The following CYP4A11 variants were observed in gnomAD, a reference collection of about 807,000 sequenced individuals.
CYP4A11 encodes the protein cytochrome P450 4A11.
In CYP4A11, 52 loss-of-function variants were observed where a neutral mutation model predicts 57.7. That is an observed-to-expected ratio of 0.90 (90% CI 0.72 to 1.14). The LOEUF (loss-of-function observed/expected upper bound fraction) is 1.14, where lower values mean the gene tolerates loss of function less well. Among genes scored for constraint, CYP4A11 ranks in the 50% most tolerant of loss-of-function variants. The pLI is 0.00. For missense variants in CYP4A11, 641 were observed against 642.1 expected (o/e 1.00, Z 0.02); for synonymous variants, 228 against 247.1 (o/e 0.92, Z 0.72).
At position 46,932,435 on chromosome 1, in the gene CYP4A11, C is replaced by T. The variant is rs9333018; in HGVS notation, c.1364+326G>A. 1.4e-3 allele frequency: 1,609 copies of T among 1,160,322 alleles called. 21 individuals are homozygous for T. The African/African-American group carries it at 0.023, about 17-fold the overall frequency. 71.9% of individuals were successfully genotyped at this position (1,160,322 alleles called of 1,614,324 possible). Reference sequence around the variant, plus strand: ...AAGCAAACAGCTGAAGTTGAATTTACTGGAGAATATCTAATTTTGAGAATT... The same window carrying T: ...AAGCAAACAGCTGAAGTTGAATTTATTGGAGAATATCTAATTTTGAGAATT... On this transcript the variant is annotated intron_variant, in intron 11 of 11. Coordinates refer to ENST00000310638, the MANE Select transcript of CYP4A11 (RefSeq NM_000778.4).
Position 46,941,242 on chromosome 1 carries a change from C to G in CYP4A11, c.192G>C (p.Gln64His). 1.2e-6 allele frequency: 2 copies of G among 1,612,932 alleles called. No homozygotes were observed. The highest frequency in any genetic ancestry group is 1.7e-6 in the Non-Finnish European group (2 of 1,179,310). Residue 64 changes from glutamine to histidine, a missense_variant, in exon 1 of 12, where the codon CAG becomes CAC. Gln to His is a conservative substitution (Grantham distance 24, BLOSUM62 0). Coordinates refer to ENST00000310638, the MANE Select transcript of CYP4A11 (RefSeq NM_000778.4). ...PPSHWLFGHI[Q>H]ELQQDQELQR... ...CCCCCATTGAGTTCCTCCCTACCTC[C>G]TGGATGTGCCCGAAGAGCCAGTGGG...
rs1413107770 is a variant in CYP4A11, at chr1:46,930,093, A to T, written c.*22T>A. The T allele has an allele frequency of 6.3e-7, 1 of 1,594,518 alleles. No individual in the cohort carries two copies. The highest frequency in any genetic ancestry group is 1.3e-5 in the African/African-American group (1 of 74,674). ...GGGGACAGAAGCGGGGGTCAGGAAG[A>T]CAGGACGGCAGGTGGAGGCCCTCAA... is the stretch of plus-strand genomic sequence containing the variant. On this transcript the variant is annotated 3_prime_UTR_variant, in exon 12 of 12. Transcript: ENST00000310638.
intron 1 of CYP4A11, chr1:46,940,899 G>A: frequency 3.0e-6 from 3 of 985,404 alleles, no homozygotes; most frequent in Non-Finnish European, 3.6e-6. Flanking sequence ...TGGGCAGAGA[G>A]CATCTAGAAG....
rs778859771 is a variant in CYP4A11 at position 46,935,115 on chromosome 1, G to T, written c.675C>A (p.Asn225Lys). 2 of 1,614,066 alleles carry T rather than the reference G, an allele frequency of 1.2e-6. No individual in the cohort carries two copies. The highest frequency in any genetic ancestry group is 2.7e-5 in the African/African-American group (2 of 74,928). The change falls in exon 6 of 12, where the codon AAC becomes AAA. Residue 225 changes from asparagine to lysine, a missense_variant. Transcript: ENST00000310638. Reference sequence around the variant, plus strand: ...TCCTCACACGGGAAAAAACCAGGTTGTTCAGGTCACTAATGGCCTGTATGT... The same window carrying T: ...TCCTCACACGGGAAAAAACCAGGTTTTTCAGGTCACTAATGGCCTGTATGT... ...QSYIQAISDL[N>K]NLVFSRVRNA...
chr1:46,934,456 G>A lies in CYP4A11; in HGVS notation c.894C>T (p.Ala298=), dbSNP rs747976150. 1 of 1,613,604 alleles carries A rather than the reference G, an allele frequency of 6.2e-7. No individual in the cohort carries two copies. The highest frequency in any genetic ancestry group is 1.1e-5 in the South Asian group (1 of 91,050). The stretch of plus-strand genomic sequence containing the variant: ...GGCCTCTCCTACACATACTCACTTT[G>A]GCCAAGAGGAGGATATCCAGAAAAT... ...HLDFLDILLL[A]KMENGSILSD... The change falls in exon 7 of 12, where the codon GCC becomes GCT. Residue 298 remains alanine, a synonymous_variant. Transcript: ENST00000310638.
chr1:46,937,037 A>G (rs1174170285), intron 3 of CYP4A11, among the ~76,000 whole-genome samples: 1 of 152,174 alleles, frequency 6.6e-6, no homozygotes, highest in East Asian at 1.9e-4. Flanking sequence ...ATAAAAGTTG[A>G]AAAGGGTTGT....
intron 11 of CYP4A11, 60 bp downstream of exon 11, chr1:46,932,701 G>C (rs1157470837): frequency 6.2e-7 from 1 of 1,613,774 alleles, no homozygotes; most frequent in Non-Finnish European, 8.5e-7. Flanking sequence ...ACAAAGATCA[G>C]AGGGTTGACC....
rs181495313 is a variant in CYP4A11, at chr1:46,940,799, C to G, written c.195+440G>C. On this transcript the variant is annotated intron_variant, in intron 1 of 11. Coordinates refer to ENST00000310638, the MANE Select transcript of CYP4A11 (RefSeq NM_000778.4). ...AATTCCTGCCTGTATTCTTCACAGA[C>G]CATAAACTCCTCATGGCATGGATTC... 5.1e-6 allele frequency: 5 copies of G among 985,448 alleles called. No homozygotes were observed. The East Asian group carries it at 5.7e-4, about 112-fold the overall frequency. 61.0% of individuals were successfully genotyped at this position (985,448 alleles called of 1,614,324 possible). A position where few individuals can be genotyped will look rare whatever the true frequency, so the allele number is the denominator to read the frequency against.
At chr1:46,932,404 T>G in intron 11 of CYP4A11, 5 of 1,136,294 alleles carry the variant, frequency 4.4e-6, no homozygotes, top group Non-Finnish European at 5.4e-6. Flanking sequence ...TCCTGACAAC[T>G]GAGAAAAGCA....
Position 46,933,970 on chromosome 1 carries a change from G to T in CYP4A11, c.1198C>A (p.Pro400Thr). 6.2e-7 allele frequency: 1 copy of T among 1,614,150 alleles called. No homozygotes were observed. The highest frequency in any genetic ancestry group is 8.5e-7 in the Non-Finnish European group (1 of 1,180,022). ...CCTTTGGGCAAGGAGCGCCCATCAG[G>T]GAAGGTGACGGGAGTGCTGAGCTCT... ...GRELSTPVTF[P>T]DGRSLPKGIM... The change falls in exon 9 of 12, where the codon CCT (proline) becomes ACT (threonine). Residue 400 changes from proline (P) to threonine (T), a missense_variant. Pro to Thr is a conservative substitution (Grantham distance 38). Coordinates refer to ENST00000310638, the MANE Select transcript of CYP4A11 (RefSeq NM_000778.4).
intron 11 of CYP4A11, among the ~76,000 whole-genome samples, 156 bp from the exon 12 acceptor site, chr1:46,930,466 C>T (rs1680952368): frequency 6.6e-6 from 1 of 152,154 alleles, no homozygotes; most frequent in East Asian, 1.9e-4. Context: ...ACACTTCTAC[C>T]CCGTCCTGGC....
At chr1:46,937,451 G>C (rs1681481893) in intron 2 of CYP4A11, 105 bp from the exon 3 acceptor site, 2 of 1,217,696 alleles carry the variant, frequency 1.6e-6, no homozygotes, top group Non-Finnish European at 1.2e-6. Context: ...TTTGACCCAT[G>C]TCACCTCCCA....
Position 46,941,471 on chromosome 1 carries a change from C to T in CYP4A11, c.-38G>A. ...GCTGGATCTCTGAGTGCCCCTACCT[C>T]TCTCTGACCACCCCCGTCCCCCTGT... On this transcript the variant is annotated 5_prime_UTR_variant, in exon 1 of 12. Coordinates refer to ENST00000310638, the MANE Select transcript of CYP4A11 (RefSeq NM_000778.4). 6.3e-7 allele frequency: 1 copy of T among 1,599,724 alleles called. No individual in the cohort carries two copies. The highest frequency in any genetic ancestry group is 8.5e-7 in the Non-Finnish European group (1 of 1,170,632).
At chr1:46,930,813 G>A (rs1210256183) in intron 11 of CYP4A11, among the ~76,000 whole-genome samples, 1 of 152,124 alleles carries the variant, frequency 6.6e-6, no homozygotes, top group African/African-American at 2.4e-5. Context: ...AGGGCAGTGG[G>A]AGGCTTCCTG....
chr1:46,932,943 T>C (rs1681117353), intron 10 of CYP4A11, 40 bp downstream of exon 10: 2 of 1,614,198 alleles, frequency 1.2e-6, no homozygotes, highest in Non-Finnish European at 1.7e-6. Context: ...GTATTGGTCT[T>C]GAGGGATCAC....
chr1:46,935,015 C>G lies in CYP4A11; in HGVS notation c.775G>C (p.Ala259Pro). 6.2e-7 allele frequency: 1 copy of G among 1,613,880 alleles called. No homozygotes were observed. The highest frequency in any genetic ancestry group is 1.7e-5 in the Admixed American group (1 of 59,986). The change falls in exon 6 of 12, where the codon GCC becomes CCC. Residue 259 changes from alanine (A) to proline (P), a missense_variant. Transcript: ENST00000310638. ...AAGACAGAACCTGTGTGCTGATGGG[C>G]CAGCTGGCAGGCGCGGTGTGTCCAG... The part of the protein sequence containing the change: ...GRWTHRACQL[A>P]HQHTDQVIQL...
chr1:46,935,514 G>C lies in CYP4A11; in HGVS notation c.635+9C>G. ...ACAAGGGCCCTGCAGCTGGAGGGTT[G>C]TCACTGACCTGTCCACCTGGATGCT... On this transcript the variant is annotated intron_variant, in intron 5 of 11. Transcript: ENST00000310638. 1 of 1,610,498 alleles carries C rather than the reference G, an allele frequency of 6.2e-7. No homozygotes were observed. Among genetic ancestry groups the C allele is most frequent in the Non-Finnish European group, 8.5e-7 (1 of 1,178,840 alleles).
intron 9 of CYP4A11, among the ~76,000 whole-genome samples, chr1:46,933,439 C>A (rs1177681652): frequency 2.6e-5 from 4 of 152,140 alleles, no homozygotes; most frequent in Non-Finnish European, 5.9e-5. Context: ...TCAGAGAGAC[C>A]AATTGTCTTG....
intron 11 of CYP4A11, chr1:46,931,752 G>A (rs976749835): frequency 3.0e-6 from 2 of 666,296 alleles, no homozygotes; most frequent in African/African-American, 3.9e-5. Flanking sequence ...TTCTGTGTAA[G>A]TGGACTCACC....
Sources: allele counts gnomAD v4.1 joint callset (sites outside exome capture counted in the v4.1 genomes callset), GRCh38; gene constraint gnomAD v4.1.1; transcripts MANE v1.5; gene names NCBI Gene and HGNC (gene_info 2026-07-23, HGNC 2026-07-21).